PTBP2: variants seen among roughly 807,000 people sequenced by gnomAD.
PTBP2 encodes the protein polypyrimidine tract-binding protein 2.
In PTBP2, 13 loss-of-function variants were observed where a neutral mutation model predicts 61.4. The observed-to-expected ratio is 0.21, with a 90% confidence interval of 0.14 to 0.34. The LOEUF (loss-of-function observed/expected upper bound fraction) is 0.34. Among genes scored for constraint, PTBP2 ranks in the 10% least tolerant of loss-of-function variants. The pLI is 1.00. For missense variants in PTBP2, 405 were observed against 642.6 expected (o/e 0.63, Z 4.00); for synonymous variants, 215 against 218.5 (o/e 0.98, Z 0.14).
At chr1:96,775,994 A>C (rs1384672869) in intron 5 of PTBP2, among the ~76,000 whole-genome samples, 1 of 152,066 alleles carries the variant, frequency 6.6e-6, no homozygotes, top group Non-Finnish European at 1.5e-5. Context: ...TGTAGCTAGT[A>C]TCTCTGGAAG....
intron 2 of PTBP2, among the ~76,000 whole-genome samples, chr1:96,743,463 C>T (rs1653324624): frequency 6.6e-6 from 1 of 152,122 alleles, no homozygotes; most frequent in South Asian, 2.1e-4. Context: ...CAGCTTGCTC[C>T]ATCTATTACA....
intron 3 of PTBP2, 44 bp downstream of exon 3, chr1:96,751,544 G>A (rs1410724684): frequency 1.4e-6 from 2 of 1,445,342 alleles, no homozygotes; most frequent in South Asian, 1.2e-5. Context: ...CCATTTTAGG[G>A]GGCAGAATGT....
intron 3 of PTBP2, among the ~76,000 whole-genome samples, chr1:96,756,637 C>G (rs1655191711): frequency 6.6e-6 from 1 of 151,944 alleles, no homozygotes; most frequent in Admixed American, 6.5e-5. Context: ...GCTATCAAGC[C>G]ATGGAGAACC....
At chr1:96,726,896 T>TA (rs796906114) in intron 2 of PTBP2, among the ~76,000 whole-genome samples, 2 of 151,858 alleles carry the variant, frequency 1.3e-5, no homozygotes, top group East Asian at 1.9e-4. Context: ...ATCTTGCCTT[T>TA]AAAAAAAATA....
chr1:96,762,486 GC>G, intron 3 of PTBP2, among the ~76,000 whole-genome samples: 1 of 109,918 alleles, frequency 9.1e-6, no homozygotes, highest in Admixed American at 8.5e-5. Flanking sequence ...GGCTGGCCGG[GC>G]TGGGGGCTGA....
intron 8 of PTBP2, among the ~76,000 whole-genome samples, chr1:96,795,749 A>G (rs1660317491): frequency 6.6e-6 from 1 of 152,206 alleles, no homozygotes; most frequent in Non-Finnish European, 1.5e-5. Flanking sequence ...GAAGTTTGCC[A>G]TAGAAAGGAA....
intron 8 of PTBP2, among the ~76,000 whole-genome samples, chr1:96,801,558 A>C (rs1365363755): frequency 6.6e-6 from 1 of 152,140 alleles, no homozygotes. Flanking sequence ...TGTGCTTTAA[A>C]AAGTTCGTGG....
intron 5 of PTBP2, among the ~76,000 whole-genome samples, chr1:96,773,332 A>G (rs572172602): frequency 2.6e-5 from 4 of 151,950 alleles, no homozygotes; most frequent in Admixed American, 2.6e-4. Flanking sequence ...TGCTTTTATA[A>G]TTTTATTTTT....
intron 2 of PTBP2, among the ~76,000 whole-genome samples, chr1:96,732,794 TC>T (rs1172050463): frequency 6.6e-6 from 1 of 152,118 alleles, no homozygotes; most frequent in African/African-American, 2.4e-5. Flanking sequence ...CAAAGTTGTG[TC>T]TATAGGTTGG....
At chr1:96,743,772 T>G (rs948004560) in intron 2 of PTBP2, among the ~76,000 whole-genome samples, 5 of 152,214 alleles carry the variant, frequency 3.3e-5, no homozygotes, top group African/African-American at 1.2e-4. Flanking sequence ...ATTTATTTTC[T>G]AGTGTATTGC....
chr1:96,787,523 T>C (rs528629950), intron 8 of PTBP2, among the ~76,000 whole-genome samples: 5 of 151,898 alleles, frequency 3.3e-5, no homozygotes, highest in Admixed American at 3.3e-4. Context: ...TTCTTTTTTT[T>C]ATCTGTTTTA....
chr1:96,727,873 G>C (rs1482130694), intron 2 of PTBP2, among the ~76,000 whole-genome samples: 2 of 152,102 alleles, frequency 1.3e-5, no homozygotes, highest in African/African-American at 4.8e-5. Context: ...TATTAAATCT[G>C]ATGGACTCCA....
At chr1:96,770,596 A>G in intron 4 of PTBP2, 112 bp from the exon 5 acceptor site, 1 of 970,576 alleles carries the variant, frequency 1.0e-6, no homozygotes, top group Non-Finnish European at 1.5e-6. Context: ...ATTTAAAAGT[A>G]ACCTGAAGGA....
chr1:96,807,144 CCTA>C (rs1472701423), intron 11 of PTBP2, among the ~76,000 whole-genome samples, 186 bp downstream of exon 11: 6 of 152,114 alleles, frequency 3.9e-5, no homozygotes, highest in Admixed American at 2.6e-4. Context: ...CTGCTATCCT[CCTA>C]CTGTTTTTCA....
chr1:96,767,819 C>T (rs373671312), intron 3 of PTBP2, among the ~76,000 whole-genome samples: 73 of 152,158 alleles, frequency 4.8e-4, no homozygotes, highest in African/African-American at 1.6e-3. Context: ...AAATCTTTGT[C>T]AGTAGTGAAA....
Position 96,792,222 on chromosome 1 carries a change from C to G in PTBP2, c.904+6968C>G, listed in dbSNP as rs551673685. ...AATGAAATTGTCTCAATCCTAGGAG[C>G]CAAAAGTTTGATGAATATGAATACT... On this transcript the variant is annotated intron_variant, in intron 8 of 13. Coordinates refer to ENST00000674951, the MANE Select transcript of PTBP2 (RefSeq NM_021190.4). Among the ~76,000 whole-genome samples, 7 of 152,196 alleles carry G rather than the reference C, an allele frequency of 4.6e-5. No homozygotes were observed. In the South Asian group the frequency reaches 1.5e-3, roughly 32 times the overall value.
chr1:96,741,777 T>C (rs1332810646), intron 2 of PTBP2, among the ~76,000 whole-genome samples: 1 of 152,242 alleles, frequency 6.6e-6, no homozygotes, highest in Non-Finnish European at 1.5e-5. Context: ...CTGGAATTTA[T>C]TCTTTGTGTA....
At chr1:96,759,307 T>C (rs1655522691) in intron 3 of PTBP2, among the ~76,000 whole-genome samples, 1 of 152,160 alleles carries the variant, frequency 6.6e-6, no homozygotes, top group Non-Finnish European at 1.5e-5. Context: ...TAAAACCATT[T>C]TGAAAAAGTA....
At chr1:96,753,737 T>C (rs1476089288) in intron 3 of PTBP2, among the ~76,000 whole-genome samples, 1 of 150,804 alleles carries the variant, frequency 6.6e-6, no homozygotes, top group African/African-American at 2.5e-5. Flanking sequence ...GATAAAAAAC[T>C]ATAAAGAAAG....
Sources: allele counts gnomAD v4.1 joint callset (sites outside exome capture counted in the v4.1 genomes callset), GRCh38; gene constraint gnomAD v4.1.1; transcripts MANE v1.5; gene names NCBI Gene and HGNC (gene_info 2026-07-23, HGNC 2026-07-21).